Variants in CNTNAP5 observed in about 807,000 individuals in gnomAD.
CNTNAP5 encodes the protein contactin-associated protein-like 5.
Under a neutral mutation model 150.2 loss-of-function variants are expected in CNTNAP5, and 72 were observed. That is an observed-to-expected ratio of 0.48 (90% CI 0.40 to 0.58). The LOEUF is 0.58. Among genes scored for constraint, CNTNAP5 ranks in the 20% least tolerant of loss-of-function variants. CNTNAP5 has a pLI of 0.00. For missense variants in CNTNAP5, 1,636 were observed against 1,626.2 expected (o/e 1.01, Z -0.10); for synonymous variants, 672 against 619.8 (o/e 1.08, Z -1.25).
At chr2:124,204,140 T>C (rs1685803571) in intron 1 of CNTNAP5, among the ~76,000 whole-genome samples, 1 of 152,212 alleles carries the variant, frequency 6.6e-6, no homozygotes, top group Non-Finnish European at 1.5e-5. Context: ...GCTTTGCTGC[T>C]TAGAAATTTA....
At chr2:124,899,583 T>C (rs754140484) in intron 21 of CNTNAP5, among the ~76,000 whole-genome samples, 7 of 151,580 alleles carry the variant, frequency 4.6e-5, no homozygotes, top group African/African-American at 1.7e-4. Context: ...CTTTTGAACA[T>C]TGTAATTCTT....
At chr2:124,648,897 A>C (rs1245888085) in intron 13 of CNTNAP5, among the ~76,000 whole-genome samples, 1 of 152,206 alleles carries the variant, frequency 6.6e-6, no homozygotes, top group African/African-American at 2.4e-5. Flanking sequence ...AAGAACTTTG[A>C]AAGGCTGGGG....
At chr2:124,234,220 C>A (rs1044761111) in intron 2 of CNTNAP5, among the ~76,000 whole-genome samples, 1 of 152,124 alleles carries the variant, frequency 6.6e-6, no homozygotes, top group African/African-American at 2.4e-5. Flanking sequence ...AATCCACTAA[C>A]AATCTCTTAG....
chr2:124,560,017 A>G (rs940741435), intron 10 of CNTNAP5, among the ~76,000 whole-genome samples: 5 of 152,120 alleles, frequency 3.3e-5, no homozygotes, highest in African/African-American at 1.2e-4. Flanking sequence ...GTGACCATAG[A>G]CAAATGAGTT....
chr2:124,094,884 C>G (rs994084421), intron 1 of CNTNAP5, among the ~76,000 whole-genome samples: 3 of 152,110 alleles, frequency 2.0e-5, no homozygotes, highest in Admixed American at 2.0e-4. Context: ...GACTATGGAA[C>G]AGTACAGGGA....
intron 3 of CNTNAP5, among the ~76,000 whole-genome samples, chr2:124,397,550 G>T (rs1245340748): frequency 6.6e-6 from 1 of 152,166 alleles, no homozygotes; most frequent in Non-Finnish European, 1.5e-5. Context: ...GTATGAATTT[G>T]CAGGAGCGTT....
intron 3 of CNTNAP5, among the ~76,000 whole-genome samples, chr2:124,376,375 A>G (rs1690649626): frequency 6.6e-6 from 1 of 152,146 alleles, no homozygotes; most frequent in Non-Finnish European, 1.5e-5. Context: ...TCAGAACAAG[A>G]AAACCCTTGC....
rs1015657506 is a variant in CNTNAP5, at chr2:124,920,910, A to G, written c.*6622A>G. On this transcript the variant is annotated 3_prime_UTR_variant, in exon 24 of 24. Transcript: ENST00000682447. ...GAATACCCTCCCCACAAAAATACAC[A>G]TATGTCAGACTCTTTATTATGGTAA... is the stretch of plus-strand genomic sequence containing the variant. Among the ~76,000 whole-genome samples, 4 of 152,058 alleles carry G rather than the reference A, an allele frequency of 2.6e-5. No homozygotes were observed. The highest frequency in any genetic ancestry group is 9.7e-5 in the African/African-American group (4 of 41,422).
intron 13 of CNTNAP5, among the ~76,000 whole-genome samples, chr2:124,672,299 C>T (rs1678841300): frequency 6.6e-6 from 1 of 152,000 alleles, no homozygotes; most frequent in Non-Finnish European, 1.5e-5. Context: ...GGCTCTTTCT[C>T]CAAAGACAGT....
In CNTNAP5 at chr2:124,408,805, T is replaced by C. The variant is rs1312776110; in HGVS notation, c.382-8638T>C. Among the ~76,000 whole-genome samples, 4 of 152,156 alleles carry C rather than the reference T, an allele frequency of 2.6e-5. No homozygotes were observed. In the East Asian group the frequency reaches 7.7e-4, roughly 29 times the overall value. ...TGGGGAAAAAACAGAACAGAAAATC[T>C]GGAAACTCTAAAATGCAGAGCTCCT... On this transcript the variant is annotated intron_variant, in intron 3 of 23. Transcript: ENST00000682447.
At chr2:124,794,577 T>C (rs1681805320) in intron 18 of CNTNAP5, among the ~76,000 whole-genome samples, 1 of 152,240 alleles carries the variant, frequency 6.6e-6, no homozygotes, top group Middle Eastern at 3.2e-3. Flanking sequence ...GCTCTTTACA[T>C]ATTGCCAAAA....
chr2:124,827,308 CGAGTCA>C (rs528473562), intron 19 of CNTNAP5, among the ~76,000 whole-genome samples: 90 of 152,232 alleles, frequency 5.9e-4, no homozygotes, highest in Middle Eastern at 3.4e-3. Flanking sequence ...GTGCTGGTGG[CGAGTCA>C]CAGGGGTTTT....
At chr2:124,111,389 G>T (rs752273798) in intron 1 of CNTNAP5, among the ~76,000 whole-genome samples, 1 of 152,150 alleles carries the variant, frequency 6.6e-6, no homozygotes, top group Non-Finnish European at 1.5e-5. Context: ...GCTATGATAC[G>T]GTGGGTGGGT....
intron 3 of CNTNAP5, among the ~76,000 whole-genome samples, chr2:124,408,647 G>T (rs1052258423): frequency 1.3e-5 from 2 of 151,772 alleles, no homozygotes; most frequent in Non-Finnish European, 2.9e-5. Flanking sequence ...ACAAGGCAGG[G>T]TATTCCAACA....
chr2:124,491,220 T>G (rs1694016630), intron 7 of CNTNAP5, among the ~76,000 whole-genome samples: 1 of 152,140 alleles, frequency 6.6e-6, no homozygotes, highest in South Asian at 2.1e-4. Flanking sequence ...TCTCCATTTC[T>G]CTTACCCTCT....
chr2:124,578,811 A>AAATG (rs1696351079), intron 11 of CNTNAP5, among the ~76,000 whole-genome samples: 1 of 152,062 alleles, frequency 6.6e-6, no homozygotes. Flanking sequence ...ATAAATAAAT[A>AAATG]AATGAGACAA....
chr2:124,155,477 A>G (rs1684505583), intron 1 of CNTNAP5, among the ~76,000 whole-genome samples: 1 of 151,942 alleles, frequency 6.6e-6, no homozygotes, highest in Admixed American at 6.6e-5. Context: ...TGGTGTGTGT[A>G]AAGTGTTTAA....
At chr2:124,758,344 A>G (rs1340339543) in intron 14 of CNTNAP5, among the ~76,000 whole-genome samples, 5 of 152,160 alleles carry the variant, frequency 3.3e-5, no homozygotes, top group Non-Finnish European at 5.9e-5. Context: ...TGACTAGTGA[A>G]GGAGGTTGAA....
intron 1 of CNTNAP5, among the ~76,000 whole-genome samples, chr2:124,076,616 A>G (rs936035390): frequency 1.3e-5 from 2 of 152,124 alleles, no homozygotes; most frequent in South Asian, 2.1e-4. Context: ...AAGGAGGACT[A>G]TATGACACCC....
Sources: gnomAD v4.1 joint callset for allele counts (sites outside exome capture counted in the v4.1 genomes callset) on GRCh38, gnomAD v4.1.1 for gene constraint, MANE v1.5 for transcripts, NCBI Gene and HGNC (gene_info 2026-07-23, HGNC 2026-07-21) for gene names.